Variants in EXOC4 observed in about 807,000 individuals in gnomAD.
EXOC4 encodes the protein SEC8-like 1.
A neutral mutation model predicts 107.2 loss-of-function variants in EXOC4; 71 were observed. That is an observed-to-expected ratio of 0.66 (90% CI 0.55 to 0.81). EXOC4 has a LOEUF of 0.81. Among genes scored for constraint, EXOC4 ranks in the 30% least tolerant of loss-of-function variants. EXOC4 has a pLI of 0.00. For missense variants in EXOC4, 1,108 were observed against 1,189.6 expected, an observed-to-expected ratio of 0.93 and a Z score of 1.01; for synonymous variants, 456 against 441.2, an observed-to-expected ratio of 1.03 and a Z score of -0.42.
At chr7:133,660,428 A>G (rs1402194875) in intron 10 of EXOC4, among the ~76,000 whole-genome samples, 2 of 152,168 alleles carry the variant, frequency 1.3e-5, no homozygotes, top group Non-Finnish European at 2.9e-5. Context: ...AGCAGGAGAA[A>G]AGAATGGTGG....
chr7:133,340,423 CT>C (rs200341512), intron 5 of EXOC4, among the ~76,000 whole-genome samples: 39,493 of 129,414 alleles, frequency 0.31, 5,994 homozygotes, highest in African/African-American at 0.46. Context: ...TAGTATTTTT[CT>C]TTTTTTTTTT....
intron 17 of EXOC4, among the ~76,000 whole-genome samples, chr7:134,022,144 T>A (rs577751496): frequency 6.6e-6 from 1 of 152,348 alleles, no homozygotes; most frequent in Non-Finnish European, 1.5e-5. Flanking sequence ...AATCAGTCAT[T>A]TGAAGCTTCA....
intron 10 of EXOC4, among the ~76,000 whole-genome samples, chr7:133,758,199 G>A (rs1795957778): frequency 6.6e-6 from 1 of 152,110 alleles, no homozygotes; most frequent in Non-Finnish European, 1.5e-5. Context: ...AGGCTGGAGT[G>A]CAGTGGCGTG....
chr7:133,863,661 A>T (rs1208861103), intron 11 of EXOC4, among the ~76,000 whole-genome samples: 1 of 152,158 alleles, frequency 6.6e-6, no homozygotes, highest in Non-Finnish European at 1.5e-5. Context: ...TGTGCTCTGT[A>T]CTTACAATTT....
intron 9 of EXOC4, 65 bp from the exon 10 acceptor site, chr7:133,629,980 G>C: frequency 8.5e-7 from 1 of 1,177,462 alleles, no homozygotes; most frequent in Non-Finnish European, 1.3e-6. Flanking sequence ...ATCTAGATAT[G>C]CTTGGTTTGT....
Position 133,411,693 on chromosome 7 carries a change from C to G in EXOC4, c.1182+36691C>G, listed in dbSNP as rs1329406155. Reference sequence around the variant, plus strand: ...TTTTTTTTTAGTCTTTGTATTCCATCTAAACATGTATTGACATTCTCAAGA... The same window carrying G: ...TTTTTTTTTAGTCTTTGTATTCCATGTAAACATGTATTGACATTCTCAAGA... On this transcript the variant is annotated intron_variant, in intron 7 of 17. Coordinates refer to ENST00000253861, the MANE Select transcript of EXOC4 (RefSeq NM_021807.4). 3.3e-5 allele frequency among the ~76,000 whole-genome samples: 5 copies of G among 152,056 alleles called. No homozygotes were observed. The South Asian group carries it at 1.0e-3, about 32-fold the overall frequency.
At chr7:134,100,250 C>CAGTGAACCCAGATCACACCACTGCACT in the EXOC4 span, among the ~76,000 whole-genome samples, 6 of 134,372 alleles carry the variant, frequency 4.5e-5, no homozygotes, top group South Asian at 2.3e-4. Context: ...AGTTCTGCTG[C>CAGTGAACCCAGATCACACCACTGCACT]CACAAGCCTA....
chr7:133,676,935 GTGTGTGTGTGTGTGTGTGTGTA>G lies in EXOC4; in HGVS notation c.1514+46816_1514+46837del, dbSNP rs900918559. ...GGGGTATGTAGTAAACTCTGTGTGT[GTGTGTGTGTGTGTGTGTGTGTA>G]TGTGTGTGTGTGTGTGTGTGTTGAG... On this transcript the variant is annotated intron_variant, in intron 10 of 17. Transcript: ENST00000253861. Among the ~76,000 whole-genome samples the G allele has an allele frequency of 3.1e-4, 24 of 76,944 alleles. No individual in the cohort carries two copies. The Admixed American group carries it at 3.5e-3, about 11-fold the overall frequency. 50.5% of individuals were successfully genotyped at this position (76,944 alleles called of 152,430 possible).
At chr7:133,884,064 C>T (rs1237790557) in intron 11 of EXOC4, among the ~76,000 whole-genome samples, 1 of 152,122 alleles carries the variant, frequency 6.6e-6, no homozygotes, top group African/African-American at 2.4e-5. Context: ...TGAATATGCC[C>T]CAATAAACAA....
intron 7 of EXOC4, among the ~76,000 whole-genome samples, chr7:133,460,495 A>G (rs1438700434): frequency 6.6e-6 from 1 of 152,220 alleles, no homozygotes; most frequent in African/African-American, 2.4e-5. Flanking sequence ...GTGCGTAAAT[A>G]AAATAGTTTA....
At chr7:133,762,185 A>G (rs1248325040) in intron 10 of EXOC4, among the ~76,000 whole-genome samples, 2 of 152,172 alleles carry the variant, frequency 1.3e-5, no homozygotes, top group Non-Finnish European at 2.9e-5. Context: ...TGAGAATTCT[A>G]TCACTGTGAG....
intron 10 of EXOC4, among the ~76,000 whole-genome samples, chr7:133,804,548 A>G (rs1417861123): frequency 1.3e-5 from 2 of 152,170 alleles, no homozygotes; most frequent in Non-Finnish European, 2.9e-5. Context: ...AATGTAATGA[A>G]ATCCATCCTG....
At chr7:133,469,141 G>A (rs931909399) in intron 7 of EXOC4, among the ~76,000 whole-genome samples, 2 of 152,200 alleles carry the variant, frequency 1.3e-5, no homozygotes, top group African/African-American at 4.8e-5. Context: ...ATTGGGGCAG[G>A]ACGCAGTGGC....
chr7:133,598,870 G>C (rs1295799725), intron 9 of EXOC4, among the ~76,000 whole-genome samples: 1 of 152,138 alleles, frequency 6.6e-6, no homozygotes, highest in Admixed American at 6.5e-5. Flanking sequence ...TGTAGTCCCA[G>C]CTACTCTGGA....
intron 3 of EXOC4, among the ~76,000 whole-genome samples, chr7:133,290,637 T>C (rs1794383089): frequency 6.6e-6 from 1 of 152,228 alleles, no homozygotes; most frequent in Non-Finnish European, 1.5e-5. Flanking sequence ...GTGTTAATTA[T>C]GTTCATATTA....
chr7:133,765,267 A>G (rs1796112464), intron 10 of EXOC4, among the ~76,000 whole-genome samples: 1 of 152,082 alleles, frequency 6.6e-6, no homozygotes, highest in South Asian at 2.1e-4. Context: ...AGGATTTAAC[A>G]TTTAAATGAA....
At chr7:133,933,498 T>G (rs1347588276) in intron 13 of EXOC4, among the ~76,000 whole-genome samples, 1 of 152,194 alleles carries the variant, frequency 6.6e-6, no homozygotes, top group Admixed American at 6.5e-5. Context: ...TTTCTGTTAC[T>G]TCACCTTCTG....
intron 11 of EXOC4, among the ~76,000 whole-genome samples, chr7:133,851,779 A>G (rs1798244236): frequency 6.6e-6 from 1 of 152,208 alleles, no homozygotes; most frequent in Non-Finnish European, 1.5e-5. Context: ...TCAGGTAAGT[A>G]TAGTTTGTAA....
chr7:133,697,612 A>G (rs1794564682), intron 10 of EXOC4, among the ~76,000 whole-genome samples: 1 of 152,192 alleles, frequency 6.6e-6, no homozygotes, highest in Non-Finnish European at 1.5e-5. Context: ...GGCCTTGGCC[A>G]TAGGTATGGG....
Sources: allele counts gnomAD v4.1 joint callset (sites outside exome capture counted in the v4.1 genomes callset), GRCh38; gene constraint gnomAD v4.1.1; transcripts MANE v1.5; gene names NCBI Gene and HGNC (gene_info 2026-07-23, HGNC 2026-07-21).